Variants in PCNX1 observed in about 807,000 individuals in gnomAD.
PCNX1 encodes pecanex 1.
A neutral mutation model predicts 242.2 loss-of-function variants in PCNX1; 78 were observed. That is an observed-to-expected ratio of 0.32 (90% confidence interval 0.27 to 0.39). The LOEUF (loss-of-function observed/expected upper bound fraction) is 0.39, where lower values mean the gene tolerates loss of function less well. Ranked by LOEUF, PCNX1 falls within the 10% of genes least tolerant of loss-of-function variation. The pLI is 1.00. For synonymous variants in PCNX1, 1,024 were observed against 1,032.9 expected (o/e 0.99, Z 0.17); for missense variants, 2,581 against 2,856.5 (o/e 0.90, Z 2.20).
chr14:71,108,776 T>C lies in PCNX1; in HGVS notation c.6474T>C (p.Leu2158=). 1.2e-6 allele frequency: 2 copies of C among 1,614,244 alleles called. No homozygotes were observed. Among genetic ancestry groups the C allele is most frequent in the Non-Finnish European group, 1.7e-6 (2 of 1,180,042 alleles). ...CRRSSTSQIS[L]RNLPSSIQSR... The stretch of plus-strand genomic sequence containing the variant: ...GCTCTTCTACTAGTCAGATATCGCT[T>C]CGAAACTTGCCATCATCCATCCAAT... Residue 2158 remains leucine (L), a synonymous_variant, in exon 34 of 36, where the codon CTT becomes CTC. Transcript: ENST00000304743.
At chr14:70,964,631 T>C (rs895233568) in intron 3 of PCNX1, among the ~76,000 whole-genome samples, 18 of 152,164 alleles carry the variant, frequency 1.2e-4, no homozygotes, top group African/African-American at 4.3e-4. Context: ...TTTTCCTTTT[T>C]ACAAAAAGGA....
At chr14:71,064,256 T>C (rs2061393938) in intron 26 of PCNX1, among the ~76,000 whole-genome samples, 1 of 152,138 alleles carries the variant, frequency 6.6e-6, no homozygotes, top group Non-Finnish European at 1.5e-5. Flanking sequence ...AAAAAAAATC[T>C]TTTTTCAATT....
Position 71,073,570 on chromosome 14 carries a change from G to A in PCNX1, c.4878G>A (p.Val1626=), listed in dbSNP as rs1262571110. The A allele has an allele frequency of 1.9e-6, 3 of 1,612,250 alleles. No homozygotes were observed. Among genetic ancestry groups the A allele is most frequent in the Non-Finnish European group, 2.5e-6 (3 of 1,179,052 alleles). Residue 1626 remains valine (V), a synonymous_variant, in exon 27 of 36, where the codon GTG becomes GTA. Transcript: ENST00000304743. ...GTACCTACTGTCAACAACGGGAAGT[G>A]GAGGCCATTACTGAAGGTGTAGAGG... ...FRGTYCQQRE[V]EAITEGVEED...
At chr14:70,925,772 A>C (rs1189313323) in intron 1 of PCNX1, among the ~76,000 whole-genome samples, 1 of 152,100 alleles carries the variant, frequency 6.6e-6, no homozygotes, top group Non-Finnish European at 1.5e-5. Flanking sequence ...TAGCTTTGTG[A>C]GATGAAGATA....
chr14:70,946,803 A>G lies in PCNX1; in HGVS notation c.154-112A>G, dbSNP rs755358944. The G allele has an allele frequency of 2.4e-5, 19 of 793,172 alleles. 1 individual carries two copies. In the South Asian group the frequency reaches 3.5e-4, roughly 15 times the overall value. The allele number at this position is 793,172 out of a possible 1,614,324, so 49.1% of individuals were successfully genotyped here. On this transcript the variant is annotated intron_variant, in intron 1 of 35. Coordinates refer to ENST00000304743, the MANE Select transcript of PCNX1 (RefSeq NM_014982.3). Reference sequence around the variant, plus strand: ...AGTTTTGCAGCTTAGCGCTAGTAACATAGTTGTTGCTTTGTGTGTAAATGT... The same window carrying G: ...AGTTTTGCAGCTTAGCGCTAGTAACGTAGTTGTTGCTTTGTGTGTAAATGT...
chr14:71,026,272 C>T lies in PCNX1; in HGVS notation c.3339C>T (p.Ala1113=), dbSNP rs746672360. 3.7e-6 allele frequency: 6 copies of T among 1,600,762 alleles called. No homozygotes were observed. In the Admixed American group the frequency reaches 8.5e-5, roughly 23 times the overall value. ...CCAATCCACTGGTGTTTATATCAGC[C>T]AGGGATTTAGTTATAGGTGAGTCAT... is the stretch of plus-strand genomic sequence containing the variant. ...TFTNPLVFIS[A]RDLVIVFTLC... Residue 1113 remains alanine (A), a synonymous_variant, in exon 14 of 36, where the codon GCC becomes GCT. Coordinates refer to ENST00000304743, the MANE Select transcript of PCNX1 (RefSeq NM_014982.3).
chr14:70,936,275 C>G (rs1039352427), intron 1 of PCNX1, among the ~76,000 whole-genome samples: 13 of 150,208 alleles, frequency 8.7e-5, no homozygotes, highest in African/African-American at 2.9e-4. Context: ...TGCTATCGCT[C>G]CTCCCTCCCC....
Position 71,103,639 on chromosome 14 carries a change from T to C in PCNX1, c.6065T>C (p.Ile2022Thr), listed in dbSNP as rs1018312089. The C allele has an allele frequency of 2.4e-5, 39 of 1,614,106 alleles. No homozygotes were observed. The highest frequency in any genetic ancestry group is 3.2e-5 in the Non-Finnish European group (38 of 1,180,002). The change falls in exon 32 of 36, where the codon ATC becomes ACC. Residue 2022 changes from isoleucine (I) to threonine (T), a missense_variant. Physicochemically the swap from Ile to Thr is moderately conservative, Grantham distance 89. Transcript: ENST00000304743. ...GGGGGTCCTATCAGCTTGGGAAATA[T>C]CAGGAACTTCATAGTGTCAACCTGG... is the stretch of plus-strand genomic sequence containing the variant. ...ILGGPISLGN[I>T]RNFIVSTWHR...
At chr14:71,088,584 G>A (rs534486309) in intron 29 of PCNX1, among the ~76,000 whole-genome samples, 154 bp downstream of exon 29, 4 of 152,230 alleles carry the variant, frequency 2.6e-5, no homozygotes, top group East Asian at 1.9e-4. Context: ...TTGAACATAG[G>A]TGAGCTGTCT....
chr14:70,982,036 C>T (rs185491234), intron 6 of PCNX1, among the ~76,000 whole-genome samples: 102 of 151,958 alleles, frequency 6.7e-4, no homozygotes, highest in African/African-American at 2.2e-3. Flanking sequence ...GTGTTGGGAA[C>T]CAAAAATAAT....
chr14:71,033,201 C>G (rs115841140), intron 16 of PCNX1, among the ~76,000 whole-genome samples: 128 of 152,228 alleles, frequency 8.4e-4, no homozygotes, highest in African/African-American at 2.9e-3. Flanking sequence ...TGCCCTCCCC[C>G]CAAAAACATC....
At position 71,112,882 on chromosome 14, in the gene PCNX1, A is replaced by C. The variant is rs1201339568; in HGVS notation, c.*2947A>C. On this transcript the variant is annotated 3_prime_UTR_variant, in exon 36 of 36. Transcript: ENST00000304743. ...CCACCCCCTCTTTTGAGAGAAAGGT[A>C]ATCGTGGAATGAGTTATAAATTATT... 1.3e-5 allele frequency: 2 copies of C among 152,154 alleles called. No homozygotes were observed. The highest frequency in any genetic ancestry group is 2.9e-5 in the Non-Finnish European group (2 of 67,992). The allele number at this position is 152,154 out of a possible 1,614,324, so 9.4% of individuals were successfully genotyped here.
At chr14:71,103,359 C>T (rs748638432) in intron 31 of PCNX1, 36 bp from the exon 32 acceptor site, 2 of 1,601,104 alleles carry the variant, frequency 1.2e-6, no homozygotes, top group African/African-American at 1.3e-5. Context: ...TTATTCTTGG[C>T]CCCTTAACCT....
In PCNX1 at chr14:71,050,674, T is replaced by G. The variant is rs142889275; in HGVS notation, c.4361T>G (p.Leu1454Trp). The change falls in exon 23 of 36, where the codon TTG becomes TGG. Residue 1454 changes from leucine to tryptophan, a missense_variant. This residue lies in a region of PCNX1 where 99 missense variants were observed against 147.3 expected (regional missense o/e 0.67). Coordinates refer to ENST00000304743, the MANE Select transcript of PCNX1 (RefSeq NM_014982.3). ...FNKLWELLYKLQFVYTYIAPW... is the reference protein window; with the variant it reads ...FNKLWELLYKWQFVYTYIAPW... ...CAGCTTTGGGAACTACTTTATAAAT[T>G]GCAGTTTGTGTATACCTATATTGCC... is the stretch of plus-strand genomic sequence containing the variant. The G allele has an allele frequency of 2.5e-4, 408 of 1,607,154 alleles. No individual in the cohort carries two copies. The highest frequency in any genetic ancestry group is 3.3e-4 in the Non-Finnish European group (387 of 1,176,948).
chr14:71,075,544 C>T (rs1288134696), intron 27 of PCNX1, among the ~76,000 whole-genome samples: 1 of 141,178 alleles, frequency 7.1e-6, no homozygotes, highest in African/African-American at 2.7e-5. Flanking sequence ...AAAATAAATG[C>T]AGCACAGTAA....
Position 70,977,791 on chromosome 14 carries a change from C to G in PCNX1, c.1454C>G (p.Ser485Cys). The G allele has an allele frequency of 6.2e-7, 1 of 1,614,146 alleles. No individual in the cohort carries two copies. The highest frequency in any genetic ancestry group is 8.5e-7 in the Non-Finnish European group (1 of 1,180,020). Residue 485 changes from serine to cysteine, a missense_variant, in exon 6 of 36, where the codon TCT becomes TGT. This residue lies in a region of PCNX1 where 1,204 missense variants were observed against 1,216.7 expected (regional missense o/e 0.99). Transcript: ENST00000304743. ...CACAACCAGAGAGGTCTCAGCACCTCTGCATCTGAAGAAGCCAATAAAAAT... is the reference window on the plus strand; with the variant it reads ...CACAACCAGAGAGGTCTCAGCACCTGTGCATCTGAAGAAGCCAATAAAAAT... ...EMHNQRGLSTSASEEANKNPH... is the reference protein window; with the variant it reads ...EMHNQRGLSTCASEEANKNPH...
chr14:70,993,349 C>T (rs945915251), intron 7 of PCNX1, among the ~76,000 whole-genome samples: 43 of 151,680 alleles, frequency 2.8e-4, no homozygotes, highest in Non-Finnish European at 5.2e-4. Context: ...AGGATGGTCT[C>T]GATCTCCTGA....
Position 71,017,611 on chromosome 14 carries a change from T to G in PCNX1, c.2997-1398T>G, listed in dbSNP as rs546428502. On this transcript the variant is annotated intron_variant, in intron 11 of 35. Transcript: ENST00000304743. Reference sequence around the variant, plus strand: ...ATTAGGCAAAATTACTTAGCTCTGATGCCAAAAACAAGATCATTAAAACAA... The same window carrying G: ...ATTAGGCAAAATTACTTAGCTCTGAGGCCAAAAACAAGATCATTAAAACAA... 4.9e-4 allele frequency among the ~76,000 whole-genome samples: 74 copies of G among 152,290 alleles called. No homozygotes were observed. The South Asian group carries it at 0.012, about 24-fold the overall frequency.
intron 28 of PCNX1, among the ~76,000 whole-genome samples, chr14:71,087,719 T>A (rs2141632448): frequency 6.6e-6 from 1 of 152,310 alleles, no homozygotes; most frequent in South Asian, 2.1e-4. Flanking sequence ...CTACCAAGAT[T>A]TTCTTTAGTA....
Sources: allele counts gnomAD v4.1 joint callset (sites outside exome capture counted in the v4.1 genomes callset), GRCh38; gene constraint gnomAD v4.1.1; regional missense constraint gnomAD v4.1.1; transcripts MANE v1.5; gene names NCBI Gene and HGNC (gene_info 2026-07-23, HGNC 2026-07-21).